The following GRIA4 variants were observed in gnomAD, a reference collection of about 807,000 sequenced individuals.
The protein encoded by GRIA4 is glutamate ionotropic receptor AMPA type subunit 4, also known as glutamate receptor 4.
In GRIA4, 34 loss-of-function variants were observed where a neutral mutation model predicts 104.0. The ratio of observed to expected loss-of-function variants is 0.33; its 90% CI spans 0.25 to 0.44. The LOEUF (loss-of-function observed/expected upper bound fraction) is 0.44, where lower values mean the gene tolerates loss of function less well. GRIA4 is among the 20% of genes least tolerant of loss of function. GRIA4 has a pLI of 1.00. For missense variants in GRIA4, 750 were observed against 1,096.5 expected, an observed-to-expected ratio of 0.68 and a Z score of 4.46; for synonymous variants, 386 against 381.9, an observed-to-expected ratio of 1.01 and a Z score of -0.13.
intron 8 of GRIA4, among the ~76,000 whole-genome samples, chr11:105,904,955 A>G (rs1946989995): frequency 6.6e-6 from 1 of 152,238 alleles, no homozygotes. Flanking sequence ...TGGAAACTTT[A>G]TAATAGTAAA....
At chr11:105,972,790 C>T (rs760311573) in intron 15 of GRIA4, among the ~76,000 whole-genome samples, 8 of 152,108 alleles carry the variant, frequency 5.3e-5, no homozygotes, top group Non-Finnish European at 1.0e-4. Context: ...TAAATACCTA[C>T]ACAAGTTGAT....
At chr11:105,867,781 A>C (rs1565301654) in intron 5 of GRIA4, among the ~76,000 whole-genome samples, 4 of 152,234 alleles carry the variant, frequency 2.6e-5, no homozygotes, top group Non-Finnish European at 5.9e-5. Context: ...TATAAGGAGG[A>C]GGAGTCATTA....
intron 3 of GRIA4, among the ~76,000 whole-genome samples, chr11:105,619,299 A>C (rs1248272960): frequency 6.6e-6 from 1 of 151,938 alleles, no homozygotes; most frequent in Non-Finnish European, 1.5e-5. Flanking sequence ...ATCACACATA[A>C]ATTTTATGAA....
chr11:105,635,254 A>T (rs1237597699), intron 3 of GRIA4, among the ~76,000 whole-genome samples: 1 of 152,166 alleles, frequency 6.6e-6, no homozygotes, highest in Non-Finnish European at 1.5e-5. Flanking sequence ...TAGGAAATTA[A>T]CTGCCTAAGA....
At position 105,612,291 on chromosome 11, in the gene GRIA4, G is replaced by A. The variant is rs762714307; in HGVS notation, c.104G>A (p.Arg35Gln). Residue 35 changes from arginine to glutamine, a missense_variant, in exon 3 of 17, where the codon CGA (arginine) becomes CAA (glutamine). Arg to Gln is a conservative substitution (Grantham distance 43). Transcript: ENST00000282499. Reference protein sequence around the residue: ...SSVQIGGLFIRNTDQEYTAFR... With the variant: ...SSVQIGGLFIQNTDQEYTAFR... Reference sequence around the variant, plus strand: ...TTTTTAATAGGTGGTCTCTTCATCCGAAACACAGATCAGGAATACACTGCT... The same window carrying A: ...TTTTTAATAGGTGGTCTCTTCATCCAAAACACAGATCAGGAATACACTGCT... The A allele has an allele frequency of 3.7e-6, 6 of 1,614,046 alleles. No homozygotes were observed. The highest frequency in any genetic ancestry group is 5.1e-6 in the Non-Finnish European group (6 of 1,179,958).
chr11:105,694,505 G>T (rs962441160), intron 3 of GRIA4, among the ~76,000 whole-genome samples: 1 of 151,660 alleles, frequency 6.6e-6, no homozygotes, highest in Non-Finnish European at 1.5e-5. Context: ...TTCAACCTAC[G>T]ATATTATCAT....
intron 3 of GRIA4, among the ~76,000 whole-genome samples, chr11:105,726,625 C>T (rs903099999): frequency 6.6e-6 from 1 of 152,128 alleles, no homozygotes; most frequent in African/African-American, 2.4e-5. Flanking sequence ...ACACCTCATA[C>T]AGGAGAGCTC....
At chr11:105,907,193 G>A (rs1048807378) in intron 9 of GRIA4, among the ~76,000 whole-genome samples, 18 of 152,110 alleles carry the variant, frequency 1.2e-4, no homozygotes, top group Non-Finnish European at 2.5e-4. Context: ...CAAAAATTAA[G>A]ACTTTTCAAA....
intron 4 of GRIA4, among the ~76,000 whole-genome samples, chr11:105,846,432 T>C (rs893760181): frequency 6.6e-6 from 1 of 152,148 alleles, no homozygotes; most frequent in Non-Finnish European, 1.5e-5. Context: ...TGGCTTAATA[T>C]ACAATGAATG....
chr11:105,684,548 T>C (rs945451215), intron 3 of GRIA4, among the ~76,000 whole-genome samples: 181 of 44,672 alleles, frequency 4.1e-3, no homozygotes, highest in African/African-American at 8.4e-3. Context: ...TATATATACA[T>C]ATATATATAT....
chr11:105,795,911 A>G (rs944140440), intron 4 of GRIA4, among the ~76,000 whole-genome samples: 2 of 152,120 alleles, frequency 1.3e-5, no homozygotes, highest in Admixed American at 1.3e-4. Flanking sequence ...TTCAAAGTAA[A>G]ATAGAGGAAG....
At chr11:105,891,181 C>A (rs551754338) in intron 6 of GRIA4, among the ~76,000 whole-genome samples, 1 of 152,182 alleles carries the variant, frequency 6.6e-6, no homozygotes, top group East Asian at 1.9e-4. Context: ...ATGATGATAT[C>A]GTTTGCTTAA....
At chr11:105,868,884 AG>A (rs1249018882) in intron 5 of GRIA4, among the ~76,000 whole-genome samples, 1 of 152,178 alleles carries the variant, frequency 6.6e-6, no homozygotes, top group Non-Finnish European at 1.5e-5. Flanking sequence ...CAAAGTAAGA[AG>A]AAACTCGAAA....
intron 5 of GRIA4, among the ~76,000 whole-genome samples, chr11:105,884,274 T>C (rs879638811): frequency 6.6e-6 from 1 of 152,244 alleles, no homozygotes; most frequent in Non-Finnish European, 1.5e-5. Flanking sequence ...ATTTATATAT[T>C]TTTTAAAAAG....
intron 3 of GRIA4, among the ~76,000 whole-genome samples, chr11:105,653,158 G>A (rs1001927293): frequency 1.3e-5 from 2 of 152,120 alleles, no homozygotes; most frequent in Non-Finnish European, 2.9e-5. Context: ...TGATCTGCCC[G>A]CCTCGGCCTC....
chr11:105,829,725 A>G (rs1205243328), intron 4 of GRIA4, among the ~76,000 whole-genome samples: 1 of 151,894 alleles, frequency 6.6e-6, no homozygotes, highest in African/African-American at 2.4e-5. Context: ...AATGCATGTA[A>G]TCCATTGGGA....
At chr11:105,715,968 T>C (rs1318343547) in intron 3 of GRIA4, among the ~76,000 whole-genome samples, 3 of 152,156 alleles carry the variant, frequency 2.0e-5, no homozygotes, top group African/African-American at 7.2e-5. Flanking sequence ...TGCAACTAAT[T>C]GCAAGTGAGG....
chr11:105,779,006 A>G (rs1227001470), intron 4 of GRIA4, among the ~76,000 whole-genome samples: 2 of 129,942 alleles, frequency 1.5e-5, no homozygotes, highest in African/African-American at 3.0e-5. Flanking sequence ...TCATTGTTCA[A>G]TTCCCACCTG....
chr11:105,897,396 C>G (rs1049265924), intron 6 of GRIA4, among the ~76,000 whole-genome samples: 2 of 151,848 alleles, frequency 1.3e-5, no homozygotes, highest in Admixed American at 6.6e-5. Context: ...TATTTGAATG[C>G]CTTTTTTTCT....
Sources: allele counts gnomAD v4.1 joint callset (sites outside exome capture counted in the v4.1 genomes callset), GRCh38; gene constraint gnomAD v4.1.1; transcripts MANE v1.5; gene names NCBI Gene and HGNC (gene_info 2026-07-23, HGNC 2026-07-21).